ADGRG7: variants seen among roughly 807,000 people sequenced by gnomAD.
The protein encoded by ADGRG7 is G-protein coupled receptor 128.
Under a neutral mutation model 88.6 loss-of-function variants are expected in ADGRG7, and 82 were observed. The observed-to-expected ratio is 0.93, with a 90% CI of 0.77 to 1.11. ADGRG7 has a LOEUF of 1.11. Ranked by LOEUF, ADGRG7 falls within the 50% of genes most tolerant of loss-of-function variation. The pLI is 0.00. For missense variants in ADGRG7, 945 were observed against 953.4 expected (o/e 0.99, Z 0.12); for synonymous variants, 381 against 345.2 (o/e 1.10, Z -1.15).
chr3:100,685,629 G>GT (rs1240202918), intron 15 of ADGRG7, among the ~76,000 whole-genome samples: 2 of 151,980 alleles, frequency 1.3e-5, no homozygotes, highest in Non-Finnish European at 2.9e-5. Context: ...GCAGTGTTTG[G>GT]TTTTTTGTCC....
chr3:100,635,864 A>C (rs1434400383), intron 5 of ADGRG7, 38 bp downstream of exon 5: 1 of 1,483,910 alleles, frequency 6.7e-7, no homozygotes, highest in East Asian at 2.4e-5. Context: ...TTTTTTTTTT[A>C]TTTTTAGAGG....
chr3:100,666,255 G>C (rs1235464862), intron 14 of ADGRG7, among the ~76,000 whole-genome samples: 2 of 152,116 alleles, frequency 1.3e-5, no homozygotes, highest in African/African-American at 4.8e-5. Context: ...AGGGGGACCC[G>C]GGGAACCAGC....
intron 1 of ADGRG7, among the ~76,000 whole-genome samples, chr3:100,611,426 A>T (rs1189548459): frequency 1.3e-5 from 2 of 152,122 alleles, no homozygotes; most frequent in Non-Finnish European, 2.9e-5. Context: ...GTTATAGCAA[A>T]ACCATTAAAA....
chr3:100,627,891 C>G lies in ADGRG7; in HGVS notation c.116-1707C>G, dbSNP rs149465263. ...TATCTTCCCTATTCCTTCTCTTTTC[C>G]CCTTCTAGGACTCCAATTGCTTATA... On this transcript the variant is annotated intron_variant, in intron 1 of 15. Transcript: ENST00000273352. Among the ~76,000 whole-genome samples the G allele has an allele frequency of 2.6e-4, 39 of 152,126 alleles. 2 individuals carry two copies. The East Asian group carries it at 6.9e-3, about 27-fold the overall frequency.
At position 100,666,157 on chromosome 3, in the gene ADGRG7, C is replaced by G. The variant is rs140166123; in HGVS notation, c.1980-2792C>G. Among the ~76,000 whole-genome samples, 52 of 151,774 alleles carry G rather than the reference C, an allele frequency of 3.4e-4. 1 individual carries two copies. In the East Asian group the frequency reaches 0.01, roughly 30 times the overall value. On this transcript the variant is annotated intron_variant, in intron 14 of 15. Coordinates refer to ENST00000273352, the MANE Select transcript of ADGRG7 (RefSeq NM_032787.3). ...CCTCCGCCTTGAAGGGGTGGGTTGC[C>G]CCTCCACACCTGTGGGTGTTTCTCG...
At chr3:100,617,329 C>T (rs1372888040) in intron 1 of ADGRG7, among the ~76,000 whole-genome samples, 1 of 151,770 alleles carries the variant, frequency 6.6e-6, no homozygotes, top group African/African-American at 2.4e-5. Context: ...ATTAACTCGT[C>T]ACTTAACATT....
chr3:100,682,725 C>T (rs965078707), intron 15 of ADGRG7, among the ~76,000 whole-genome samples: 2 of 152,162 alleles, frequency 1.3e-5, no homozygotes, highest in African/African-American at 2.4e-5. Flanking sequence ...CCTGAAGCTC[C>T]CACTCCAGGC....
In ADGRG7 at chr3:100,695,149, T is replaced by C; in HGVS notation, c.*148T>C. 1 of 773,948 alleles carries C rather than the reference T, an allele frequency of 1.3e-6. No homozygotes were observed. The highest frequency in any genetic ancestry group is 2.0e-6 in the Non-Finnish European group (1 of 493,856). 47.9% of individuals were successfully genotyped at this position (773,948 alleles called of 1,614,324 possible). A position where few individuals can be genotyped will look rare whatever the true frequency, so the allele number is the denominator to read the frequency against. ...TTAGATAAAACCTGTTGTTTATTAT[T>C]ATTCGGCATAATGGACTTGGTAGTT... On this transcript the variant is annotated 3_prime_UTR_variant, in exon 16 of 16. Coordinates refer to ENST00000273352, the MANE Select transcript of ADGRG7 (RefSeq NM_032787.3).
intron 15 of ADGRG7, among the ~76,000 whole-genome samples, chr3:100,685,748 C>T (rs1366708946): frequency 3.3e-5 from 5 of 152,166 alleles, no homozygotes; most frequent in African/African-American, 1.2e-4. Flanking sequence ...TGTATATGTG[C>T]CACATTTTCT....
intron 14 of ADGRG7, among the ~76,000 whole-genome samples, chr3:100,660,876 C>A (rs2094944371): frequency 6.6e-6 from 1 of 151,206 alleles, no homozygotes; most frequent in South Asian, 2.1e-4. Flanking sequence ...CGCTTGAACC[C>A]AGGAGGTGGA....
At chr3:100,642,333 A>G (rs906282007) in intron 6 of ADGRG7, among the ~76,000 whole-genome samples, 2 of 152,250 alleles carry the variant, frequency 1.3e-5, no homozygotes, top group African/African-American at 2.4e-5. Context: ...ATAAAAGGAA[A>G]ACATTTCAAT....
At chr3:100,685,542 A>G (rs977018079) in intron 15 of ADGRG7, among the ~76,000 whole-genome samples, 5 of 152,020 alleles carry the variant, frequency 3.3e-5, no homozygotes, top group East Asian at 1.9e-4. Context: ...ACCCCACAAC[A>G]GTCCCTGGTG....
chr3:100,611,952 T>C (rs1318641051), intron 1 of ADGRG7, among the ~76,000 whole-genome samples: 1 of 152,236 alleles, frequency 6.6e-6, no homozygotes, highest in Non-Finnish European at 1.5e-5. Context: ...TATTCAGGTA[T>C]AGACATAAAT....
At chr3:100,635,285 C>T (rs1239402967) in intron 4 of ADGRG7, among the ~76,000 whole-genome samples, 2 of 151,988 alleles carry the variant, frequency 1.3e-5, no homozygotes, top group Non-Finnish European at 2.9e-5. Context: ...AAATACAAAC[C>T]AAAATTTTAG....
At chr3:100,666,348 A>G (rs2094951714) in intron 14 of ADGRG7, among the ~76,000 whole-genome samples, 1 of 152,176 alleles carries the variant, frequency 6.6e-6, no homozygotes, top group African/African-American at 2.4e-5. Flanking sequence ...CGAGAGAGGG[A>G]TGTGTTAGGG....
At chr3:100,617,351 C>T (rs953352836) in intron 1 of ADGRG7, among the ~76,000 whole-genome samples, 4 of 151,528 alleles carry the variant, frequency 2.6e-5, no homozygotes, top group African/African-American at 9.7e-5. Flanking sequence ...GGTATATCTC[C>T]TAATGCTATC....
At position 100,645,865 on chromosome 3, in the gene ADGRG7, C is replaced by T; in HGVS notation, c.947-80C>T. 3.1e-6 allele frequency: 4 copies of T among 1,297,250 alleles called. No homozygotes were observed. In the East Asian group the frequency reaches 9.3e-5, roughly 30 times the overall value. The allele number at this position is 1,297,250 out of a possible 1,614,324, so 80.4% of individuals were successfully genotyped here. On this transcript the variant is annotated intron_variant, in intron 8 of 15. Coordinates refer to ENST00000273352, the MANE Select transcript of ADGRG7 (RefSeq NM_032787.3). Reference sequence around the variant, plus strand: ...TACTCAAATATTAAGCAGCCATGCACTTCTACAATAACGTGACATATTGTT... The same window carrying T: ...TACTCAAATATTAAGCAGCCATGCATTTCTACAATAACGTGACATATTGTT...
intron 1 of ADGRG7, among the ~76,000 whole-genome samples, chr3:100,613,781 T>C (rs1414882619): frequency 3.3e-5 from 5 of 152,156 alleles, no homozygotes; most frequent in Non-Finnish European, 4.4e-5. Context: ...TTGCTGTTCT[T>C]TGATGACACA....
At chr3:100,686,326 G>A (rs1230869590) in intron 15 of ADGRG7, among the ~76,000 whole-genome samples, 5 of 152,110 alleles carry the variant, frequency 3.3e-5, no homozygotes. Flanking sequence ...TCTGTAGGTT[G>A]CCTGTTCACT....
Sources: allele counts gnomAD v4.1 joint callset (sites outside exome capture counted in the v4.1 genomes callset), GRCh38; gene constraint gnomAD v4.1.1; transcripts MANE v1.5; gene names NCBI Gene and HGNC (gene_info 2026-07-23, HGNC 2026-07-21).